Variants in CRACDL observed in about 807,000 individuals in gnomAD.
The protein encoded by CRACDL is CRACD like, also known as CRACD-like protein.
Under a neutral mutation model 70.6 loss-of-function variants are expected in CRACDL, and 26 were observed. The ratio of observed to expected loss-of-function variants is 0.37; its 90% CI spans 0.27 to 0.51. The LOEUF is 0.51. Among genes scored for constraint, CRACDL ranks in the 20% least tolerant of loss-of-function variants. The pLI is 0.94. For missense variants in CRACDL, 1,283 were observed against 1,376.9 expected, an observed-to-expected ratio of 0.93 and a Z score of 1.08; for synonymous variants, 618 against 615.2, an observed-to-expected ratio of 1.00 and a Z score of -0.07.
chr2:98,859,448 A>C (rs1382345031), intron 1 of CRACDL, among the ~76,000 whole-genome samples: 1 of 152,250 alleles, frequency 6.6e-6, no homozygotes, highest in Non-Finnish European at 1.5e-5. Context: ...CATATTAAAG[A>C]GATTACACAG....
At chr2:98,860,417 G>T (rs1412123653) in intron 1 of CRACDL, among the ~76,000 whole-genome samples, 1 of 152,166 alleles carries the variant, frequency 6.6e-6, no homozygotes, top group African/African-American at 2.4e-5. Context: ...CAGTAATCAG[G>T]ACTGTACTGT....
chr2:98,922,911 T>C (rs77307601), intron 1 of CRACDL, among the ~76,000 whole-genome samples: 11,038 of 152,224 alleles, frequency 0.073, 644 homozygotes, highest in African/African-American at 0.16. Flanking sequence ...AAATGAAATA[T>C]AGAATTCAAT....
At chr2:98,928,969 T>G (rs1709002221) in intron 1 of CRACDL, among the ~76,000 whole-genome samples, 1 of 152,026 alleles carries the variant, frequency 6.6e-6, no homozygotes, top group South Asian at 2.1e-4. Context: ...TGGAGAGGTG[T>G]GGCCATTTGA....
At chr2:98,833,897 T>A (rs1308482902) in intron 3 of CRACDL, among the ~76,000 whole-genome samples, 1 of 152,172 alleles carries the variant, frequency 6.6e-6, no homozygotes, top group Admixed American at 6.5e-5. Flanking sequence ...CTGTGGGGCA[T>A]TAAGGACTCT....
chr2:98,833,919 C>T (rs1705656974), intron 3 of CRACDL, among the ~76,000 whole-genome samples: 1 of 152,232 alleles, frequency 6.6e-6, no homozygotes, highest in Admixed American at 6.5e-5. Context: ...AGGTGTGGCC[C>T]TGTCCAACTG....
Position 98,831,594 on chromosome 2 carries a change from G to A in CRACDL, c.540+754C>T, listed in dbSNP as rs1384984770. On this transcript the variant is annotated intron_variant, in intron 5 of 9. Transcript: ENST00000397899. ...CCTCCACAGTCAGGCTTGTCTACAT[G>A]GGAAGGATGACCACCTATTTTTAAC... Among the ~76,000 whole-genome samples the A allele has an allele frequency of 4.6e-5, 7 of 152,198 alleles. No homozygotes were observed. The East Asian group carries it at 1.3e-3, about 29-fold the overall frequency.
intron 1 of CRACDL, chr2:98,869,116 C>A (rs1218018607): frequency 7.7e-7 from 1 of 1,304,338 alleles, no homozygotes; most frequent in Non-Finnish European, 1.0e-6. Flanking sequence ...AGGCAGCCAT[C>A]CTCCTGAGTG....
chr2:98,875,332 C>T (rs929995362), intron 1 of CRACDL, among the ~76,000 whole-genome samples: 4 of 152,230 alleles, frequency 2.6e-5, no homozygotes, highest in African/African-American at 7.2e-5. Context: ...AGATGCCTGG[C>T]CTCCTAACTG....
intron 7 of CRACDL, among the ~76,000 whole-genome samples, chr2:98,808,788 ACAGAGGGTCT>A (rs1704429656): frequency 6.6e-6 from 1 of 152,178 alleles, no homozygotes; most frequent in Non-Finnish European, 1.5e-5. Context: ...GGGTGAGTGC[ACAGAGGGTCT>A]CAGCGCCCCC....
chr2:98,818,222 C>T (rs1704870174), intron 7 of CRACDL, among the ~76,000 whole-genome samples: 1 of 152,170 alleles, frequency 6.6e-6, no homozygotes. Flanking sequence ...GGCTCCTCTG[C>T]CTCGAGGAGC....
Position 98,822,857 on chromosome 2 carries a change from C to G in CRACDL, c.1416G>C (p.Ala472=). ...TCCCAATTCTCTCGGGCTCGGTCCC[C>G]GCTCCTCTCTCGGGCTCCGTCTCCG... ...REAETEPERG[A]GTEPERIGTE... is the part of the protein sequence containing the mutation. Residue 472 remains alanine, a synonymous_variant, in exon 7 of 10, where the codon GCG becomes GCC. Coordinates refer to ENST00000397899, the MANE Select transcript of CRACDL (RefSeq NM_207362.3). The surrounding 1 kb of genome is among the most constrained non-coding windows in gnomAD (Gnocchi z 4.9). 6.8e-7 allele frequency: 1 copy of G among 1,460,444 alleles called. No homozygotes were observed. Among genetic ancestry groups the G allele is most frequent in the Non-Finnish European group, 9.0e-7 (1 of 1,116,408 alleles). The allele number at this position is 1,460,444 out of a possible 1,614,324, so 90.5% of individuals were successfully genotyped here. A position where few individuals can be genotyped will look rare whatever the true frequency, so the allele number is the denominator to read the frequency against.
chr2:98,926,960 G>T (rs563672984), intron 1 of CRACDL, among the ~76,000 whole-genome samples: 2 of 152,176 alleles, frequency 1.3e-5, no homozygotes, highest in Non-Finnish European at 2.9e-5. Context: ...GGTCTCCAGG[G>T]ATTCGTTTCT....
At chr2:98,824,045 T>G (rs752444314) in intron 6 of CRACDL, among the ~76,000 whole-genome samples, 27 of 152,320 alleles carry the variant, frequency 1.8e-4, no homozygotes, top group Non-Finnish European at 3.5e-4. Flanking sequence ...CAGTCTCCCA[T>G]GTCAACACTT....
chr2:98,818,239 A>C (rs1704871866), intron 7 of CRACDL, among the ~76,000 whole-genome samples: 1 of 152,212 alleles, frequency 6.6e-6, no homozygotes, highest in Admixed American at 6.5e-5. Context: ...GAGCACAGAC[A>C]CATACTAAGC....
intron 7 of CRACDL, among the ~76,000 whole-genome samples, chr2:98,817,841 G>A (rs572674897): frequency 3.9e-5 from 6 of 152,242 alleles, no homozygotes; most frequent in African/African-American, 1.4e-4. Flanking sequence ...TATCAAATGA[G>A]GTCCCCAGGT....
chr2:98,821,933 G>T lies in CRACDL; in HGVS notation c.2340C>A (p.Pro780=). 2 of 1,567,022 alleles carry T rather than the reference G, an allele frequency of 1.3e-6. No individual in the cohort carries two copies. The highest frequency in any genetic ancestry group is 8.6e-7 in the Non-Finnish European group (1 of 1,161,070). ...SFTLPHQPAP[P]DAGPGEREPR... is the part of the protein sequence containing the mutation. ...GTTCCCGCTCTCCCGGGCCGGCGTC[G>T]GGGGGCGCGGGCTGGTGCGGGAGCG... Residue 780 remains proline (P), a synonymous_variant, in exon 7 of 10, where the codon CCC becomes CCA. Coordinates refer to ENST00000397899, the MANE Select transcript of CRACDL (RefSeq NM_207362.3).
chr2:98,811,959 G>A (rs1704583094), intron 7 of CRACDL, among the ~76,000 whole-genome samples: 1 of 152,110 alleles, frequency 6.6e-6, no homozygotes, highest in South Asian at 2.1e-4. Context: ...GTTGTTTCCA[G>A]TTTTGGGTGA....
intron 6 of CRACDL, 68 bp downstream of exon 6, chr2:98,826,906 TG>T (rs60538689): frequency 0.028 from 28,080 of 1,017,560 alleles, 677 homozygotes; most frequent in East Asian, 0.12. Context: ...TGAGGCAGGT[TG>T]GGGGGGGGCA....
intron 1 of CRACDL, among the ~76,000 whole-genome samples, chr2:98,882,234 A>C (rs1341048630): frequency 6.6e-6 from 1 of 152,226 alleles, no homozygotes; most frequent in Non-Finnish European, 1.5e-5. Context: ...GGCACTACTG[A>C]ACAGAGGGGA....
Sources: allele counts gnomAD v4.1 joint callset (sites outside exome capture counted in the v4.1 genomes callset), GRCh38; gene constraint gnomAD v4.1.1; non-coding constraint Gnocchi (gnomAD v3.1); transcripts MANE v1.5; gene names NCBI Gene and HGNC (gene_info 2026-07-23, HGNC 2026-07-21).